The following MYRIP variants were observed in gnomAD, a reference collection of about 807,000 sequenced individuals.
MYRIP encodes the protein myosin VIIA and Rab interacting protein, also known as rab effector MyRIP.
In MYRIP, 49 loss-of-function variants were observed where a neutral mutation model predicts 98.0. That is an observed-to-expected ratio of 0.50 (90% confidence interval 0.40 to 0.63). The LOEUF (loss-of-function observed/expected upper bound fraction) is 0.63. Ranked by LOEUF, MYRIP falls within the 30% of genes least tolerant of loss-of-function variation. The pLI is 0.00. For missense variants in MYRIP, 1,004 were observed against 1,058.2 expected (o/e 0.95, Z 0.71); for synonymous variants, 404 against 409.5 (o/e 0.99, Z 0.16).
chr3:39,909,497 T>C lies in MYRIP; in HGVS notation c.110+8571T>C, dbSNP rs148990385. On this transcript the variant is annotated intron_variant, in intron 2 of 16. Coordinates refer to ENST00000302541, the MANE Select transcript of MYRIP (RefSeq NM_015460.4). ...TCCAAAAGATGAGCTAAATCCTATA[T>C]GAATAATTAGGATGCTATAGACAAT... Among the ~76,000 whole-genome samples the C allele has an allele frequency of 2.1e-3, 315 of 152,258 alleles. 2 individuals carry two copies. Among genetic ancestry groups the C allele is most frequent in the African/African-American group, 7.2e-3 (298 of 41,558 alleles).
intron 2 of MYRIP, among the ~76,000 whole-genome samples, chr3:39,919,762 A>G (rs1944266733): frequency 6.8e-6 from 1 of 147,040 alleles, no homozygotes; most frequent in Non-Finnish European, 1.5e-5. Context: ...TTCATTGATG[A>G]CTGTATTTTT....
At chr3:39,952,353 T>C (rs765412263) in intron 2 of MYRIP, among the ~76,000 whole-genome samples, 12 of 152,178 alleles carry the variant, frequency 7.9e-5, no homozygotes, top group Non-Finnish European at 1.8e-4. Context: ...AAGAATTCCT[T>C]TCCATCCCAT....
chr3:40,049,632 CA>C (rs780122549), intron 3 of MYRIP, among the ~76,000 whole-genome samples: 127 of 137,362 alleles, frequency 9.2e-4, no homozygotes, highest in Admixed American at 9.5e-4. Flanking sequence ...TCTAAGTGTT[CA>C]AAAAAAAAAA....
chr3:39,817,727 A>C (rs1170564166), intron 1 of MYRIP, among the ~76,000 whole-genome samples: 2 of 152,180 alleles, frequency 1.3e-5, no homozygotes, highest in Non-Finnish European at 2.9e-5. Context: ...TCACATTTCA[A>C]GTGCTCAGTA....
At chr3:39,877,762 A>G (rs6778240) in intron 1 of MYRIP, among the ~76,000 whole-genome samples, 25,357 of 151,406 alleles carry the variant, frequency 0.17, 4,009 homozygotes, top group African/African-American at 0.42. Flanking sequence ...ACTGGGGGGT[A>G]CCTCCCAGTT....
At chr3:39,960,914 G>A (rs1207510960) in intron 2 of MYRIP, among the ~76,000 whole-genome samples, 1 of 152,132 alleles carries the variant, frequency 6.6e-6, no homozygotes, top group Non-Finnish European at 1.5e-5. Flanking sequence ...GTGTTGTGCT[G>A]TGCAGACAGG....
rs191101903 is a variant in MYRIP at position 39,817,654 on chromosome 3, C to T, written c.-31+7738C>T. The stretch of plus-strand genomic sequence containing the variant: ...AATGGAATGTGTGACATTCCTTTTT[C>T]TATACTAAGCCTTTGGAATCTAGAA... On this transcript the variant is annotated intron_variant, in intron 1 of 16. Coordinates refer to ENST00000302541, the MANE Select transcript of MYRIP (RefSeq NM_015460.4). 6.5e-3 allele frequency among the ~76,000 whole-genome samples: 984 copies of T among 152,098 alleles called. 8 individuals carry two copies. The highest frequency in any genetic ancestry group is 0.013 in the Admixed American group (198 of 15,274).
Position 39,809,733 on chromosome 3 carries a change from C to T in MYRIP, c.-214C>T, listed in dbSNP as rs924104538. 7.1e-4 allele frequency: 108 copies of T among 152,238 alleles called. 1 individual carries two copies. The highest frequency in any genetic ancestry group is 2.5e-3 in the African/African-American group (105 of 41,570). The allele number at this position is 152,238 out of a possible 1,614,324, so 9.4% of individuals were successfully genotyped here. On this transcript the variant is annotated 5_prime_UTR_variant, in exon 1 of 17. Transcript: ENST00000302541. ...GCGGCTGCGGTTCTGGCAGCCGAGC[C>T]CCCGCGGTGCTGCAGCCCAGCTTTA... is the stretch of plus-strand genomic sequence containing the variant.
At position 39,851,434 on chromosome 3, in the gene MYRIP, A is replaced by T. The variant is rs1457857653; in HGVS notation, c.-31+41518A>T. Reference sequence around the variant, plus strand: ...GTCACAACTCCTGCTCCCTTGCCCCACTCCCACACTCCTGCTAATTCTAGC... The same window carrying T: ...GTCACAACTCCTGCTCCCTTGCCCCTCTCCCACACTCCTGCTAATTCTAGC... On this transcript the variant is annotated intron_variant, in intron 1 of 16. Transcript: ENST00000302541. Among the ~76,000 whole-genome samples, 6 of 151,724 alleles carry T rather than the reference A, an allele frequency of 4.0e-5. No homozygotes were observed. The East Asian group carries it at 1.2e-3, about 29-fold the overall frequency.
At chr3:40,084,994 A>C (rs940610745) in intron 3 of MYRIP, among the ~76,000 whole-genome samples, 4 of 150,886 alleles carry the variant, frequency 2.7e-5, no homozygotes, top group Non-Finnish European at 4.4e-5. Flanking sequence ...GATAATATAT[A>C]TCTGTGTTAT....
chr3:40,145,792 G>A (rs1410635339), intron 3 of MYRIP, among the ~76,000 whole-genome samples: 1 of 152,210 alleles, frequency 6.6e-6, no homozygotes, highest in Non-Finnish European at 1.5e-5. Flanking sequence ...AAAGATTGGA[G>A]ATCAGTTACA....
intron 2 of MYRIP, among the ~76,000 whole-genome samples, chr3:39,917,108 T>G (rs1575376638): frequency 6.6e-6 from 1 of 152,162 alleles, no homozygotes; most frequent in African/African-American, 2.4e-5. Context: ...ATTATAATCA[T>G]ATACTATATT....
At chr3:39,974,967 C>T (rs894789249) in intron 2 of MYRIP, among the ~76,000 whole-genome samples, 2 of 152,146 alleles carry the variant, frequency 1.3e-5, no homozygotes, top group East Asian at 3.8e-4. Context: ...TAGAAGCATT[C>T]CCTTAGAAAA....
intron 2 of MYRIP, among the ~76,000 whole-genome samples, chr3:39,909,800 T>C (rs374609878): frequency 2.0e-5 from 3 of 152,304 alleles, no homozygotes; most frequent in African/African-American, 7.2e-5. Context: ...TCTACTTCAC[T>C]GTTACTAATA....
intron 10 of MYRIP, among the ~76,000 whole-genome samples, chr3:40,207,631 A>G (rs1951820294): frequency 6.6e-6 from 1 of 152,232 alleles, no homozygotes; most frequent in Non-Finnish European, 1.5e-5. Context: ...ATGAAAGAAC[A>G]TGTCACATAT....
chr3:40,005,099 A>T (rs777235608), intron 2 of MYRIP, among the ~76,000 whole-genome samples: 8 of 152,174 alleles, frequency 5.3e-5, no homozygotes, highest in Non-Finnish European at 8.8e-5. Flanking sequence ...GCTGCAAAGG[A>T]AGTGATTTAA....
At chr3:39,889,943 A>G (rs1943439811) in intron 1 of MYRIP, among the ~76,000 whole-genome samples, 1 of 152,156 alleles carries the variant, frequency 6.6e-6, no homozygotes, top group African/African-American at 2.4e-5. Flanking sequence ...TCCAAAACTG[A>G]ATCAATAACT....
chr3:39,976,372 G>A (rs368628861), intron 2 of MYRIP, among the ~76,000 whole-genome samples: 31 of 152,210 alleles, frequency 2.0e-4, no homozygotes, highest in South Asian at 1.7e-3. Context: ...TTAGAATGGC[G>A]ATCATTAAAG....
chr3:39,997,001 A>C (rs1032491257), intron 2 of MYRIP, among the ~76,000 whole-genome samples: 5 of 152,228 alleles, frequency 3.3e-5, no homozygotes, highest in Non-Finnish European at 5.9e-5. Context: ...CAAAGACACA[A>C]CATACCAGAA....
Sources: gnomAD v4.1 joint callset for allele counts (sites outside exome capture counted in the v4.1 genomes callset) on GRCh38, gnomAD v4.1.1 for gene constraint, MANE v1.5 for transcripts, NCBI Gene and HGNC (gene_info 2026-07-23, HGNC 2026-07-21) for gene names.